TPRX1: variants seen among roughly 807,000 people sequenced by gnomAD.
TPRX1 encodes the protein tetra-peptide repeat homeobox protein 1.
In TPRX1, 2 loss-of-function variants were observed where a neutral mutation model predicts 8.1. That is an observed-to-expected ratio of 0.25 (90% confidence interval 0.10 to 0.78). TPRX1 has a LOEUF of 0.78. TPRX1 is among the 30% of genes least tolerant of loss of function. The pLI, the probability that TPRX1 is intolerant of heterozygous loss-of-function variation, is 0.70. For synonymous variants in TPRX1, 257 were observed against 254.1 expected (o/e 1.01, Z -0.11); for missense variants, 517 against 586.9 (o/e 0.88, Z 1.23).
chr19:47,813,533 C>G (rs764264760), intron 2 of TPRX1, among the ~76,000 whole-genome samples: 2 of 152,136 alleles, frequency 1.3e-5, no homozygotes, highest in Non-Finnish European at 2.9e-5. Context: ...TGGGAAGACA[C>G]TTTCCAGGCG....
chr19:47,818,254 TCCA>T (rs1227700945), intron 2 of TPRX1, among the ~76,000 whole-genome samples: 2 of 136,958 alleles, frequency 1.5e-5, no homozygotes, highest in African/African-American at 6.7e-5. Flanking sequence ...CACCCATCCA[TCCA>T]TCCATCCATC....
chr19:47,809,596 A>T (rs1361620796), intron 2 of TPRX1, among the ~76,000 whole-genome samples: 1 of 152,214 alleles, frequency 6.6e-6, no homozygotes, highest in Non-Finnish European at 1.5e-5. Flanking sequence ...ACAATAAATA[A>T]CAACAAAGAT....
chr19:47,810,489 C>T (rs1317557174), intron 2 of TPRX1, among the ~76,000 whole-genome samples: 2 of 150,340 alleles, frequency 1.3e-5, no homozygotes, highest in African/African-American at 4.9e-5. Flanking sequence ...GCTGGGATTA[C>T]AGGCGCCCAC....
intron 2 of TPRX1, chr19:47,818,410 C>T (rs1967870639): frequency 2.2e-6 from 1 of 451,022 alleles, no homozygotes; most frequent in South Asian, 1.6e-5. Flanking sequence ...ATCCATCCAT[C>T]CATCCCTCCG....
intron 2 of TPRX1, chr19:47,818,347 T>C (rs1967867817): frequency 3.1e-6 from 1 of 319,452 alleles, no homozygotes; most frequent in Non-Finnish European, 6.0e-6. Context: ...CCATCATCCA[T>C]CCATCCATCC....
chr19:47,802,329 G>T, exon 4 of TPRX1: 1 of 1,463,224 alleles, frequency 6.8e-7, no homozygotes, highest in Non-Finnish European at 9.2e-7. Context: ...ATTGGGCCTG[G>T]GATTGGGCCT....
chr19:47,811,241 T>G (rs543865293), intron 2 of TPRX1, among the ~76,000 whole-genome samples: 1 of 151,788 alleles, frequency 6.6e-6, no homozygotes, highest in East Asian at 2.0e-4. Context: ...TGACCTCAGG[T>G]GGTCAGCCCT....
intron 2 of TPRX1, among the ~76,000 whole-genome samples, chr19:47,813,168 C>T (rs1480340849): frequency 7.0e-6 from 1 of 143,636 alleles, no homozygotes; most frequent in Non-Finnish European, 1.6e-5. Context: ...CCCCCCCCAC[C>T]CCGCCAAAAT....
exon 4 of TPRX1, chr19:47,801,962 A>G: frequency 6.2e-7 from 1 of 1,614,058 alleles, no homozygotes; most frequent in Non-Finnish European, 8.5e-7. Flanking sequence ...GAAGTGAGGG[A>G]ATAACTGGGT....
rs1967666789 is a variant in TPRX1, at chr19:47,801,862, GCCCATAGAGTCATC to G, written c.1426_1439del (p.Asp476GlnfsTer17). On this transcript the variant is annotated frameshift_variant, in exon 4 of 4. Coordinates refer to ENST00000535759, the Ensembl canonical transcript of TPRX1. LOFTEE classifies it low-confidence loss of function (END_TRUNC). The stretch of plus-strand genomic sequence containing the variant: ...GGGGCTGAGACCCTGAGTGTTTTTT[GCCCATAGAGTCATC>G]CCCTTCTTGGTACTGAGAGGTCATG... The G allele has an allele frequency of 2.5e-6, 4 of 1,614,066 alleles. No homozygotes were observed. The highest frequency in any genetic ancestry group is 3.4e-6 in the Non-Finnish European group (4 of 1,179,994).
intron 2 of TPRX1, among the ~76,000 whole-genome samples, chr19:47,812,038 G>C (rs554021459): frequency 1.3e-5 from 2 of 151,162 alleles, no homozygotes; most frequent in African/African-American, 4.9e-5. Context: ...GGCTAATTTT[G>C]TATTTTTAGT....
At position 47,818,343 on chromosome 19, in the gene TPRX1, T is replaced by C. The variant is rs1294613248; in HGVS notation, c.151+125A>G. On this transcript the variant is annotated intron_variant, in intron 2 of 3. Transcript: ENST00000535759. ...CATCCATCCATCCATCCATCCATCA[T>C]CCATCCATCCATCCATCCATCCATC... 313 of 258,098 alleles carry C rather than the reference T, an allele frequency of 1.2e-3. 11 individuals are homozygous for C. The highest frequency in any genetic ancestry group is 3.9e-3 in the African/African-American group (72 of 18,690). The allele number at this position is 258,098 out of a possible 1,614,324, so 16.0% of individuals were successfully genotyped here.
At chr19:47,812,750 G>A (rs2123718298) in intron 2 of TPRX1, among the ~76,000 whole-genome samples, 1 of 151,914 alleles carries the variant, frequency 6.6e-6, no homozygotes, top group Non-Finnish European at 1.5e-5. Flanking sequence ...GAGAAACACT[G>A]CACTTCATCC....
exon 4 of TPRX1, chr19:47,801,647 A>G (rs1306450681): frequency 5.4e-6 from 6 of 1,119,414 alleles, no homozygotes; most frequent in Non-Finnish European, 7.5e-6. Flanking sequence ...TGCACAGTGA[A>G]GACAGCAAAT....
intron 1 of TPRX1, chr19:47,818,548 G>A: frequency 2.2e-6 from 1 of 456,034 alleles, no homozygotes; most frequent in Non-Finnish European, 4.4e-6. Context: ...CCTGACAAGG[G>A]CAGACAAGAA....
intron 2 of TPRX1, among the ~76,000 whole-genome samples, chr19:47,817,997 C>T (rs1967859971): frequency 6.6e-6 from 1 of 152,214 alleles, no homozygotes; most frequent in Admixed American, 6.5e-5. Context: ...AGCAGGGATT[C>T]ATGGCACAGT....
At position 47,802,212 on chromosome 19, in the gene TPRX1, C is replaced by A; in HGVS notation, c.1090G>T (p.Gly364Cys). The change falls in exon 4 of 4, where the codon GGC (glycine) becomes TGC (cysteine). Residue 364 changes from glycine to cysteine, a missense_variant. Physicochemically the swap from Gly to Cys is radical, Grantham distance 159. Coordinates refer to ENST00000535759, the Ensembl canonical transcript of TPRX1. ...ATCTGGGCTGGGCTGGGAATCGGGC[C>A]TATAATTGGGCCTGGGCCTGAGATT... is the stretch of plus-strand genomic sequence containing the variant. 1.9e-6 allele frequency: 3 copies of A among 1,611,774 alleles called. No homozygotes were observed. The East Asian group carries it at 6.7e-5, about 36-fold the overall frequency.
chr19:47,802,541 A>C (rs1967686473), exon 4 of TPRX1: 1 of 1,538,426 alleles, frequency 6.5e-7, no homozygotes, highest in Non-Finnish European at 8.8e-7. Context: ...TGGGCCTGAA[A>C]TTGGGCCTGG....
intron 2 of TPRX1, among the ~76,000 whole-genome samples, chr19:47,810,268 A>T (rs1428255420): frequency 6.7e-6 from 1 of 149,992 alleles, no homozygotes; most frequent in Non-Finnish European, 1.5e-5. Context: ...AAAAAAAAAA[A>T]AAAAAAAAAA....
Sources: allele counts gnomAD v4.1 joint callset (sites outside exome capture counted in the v4.1 genomes callset), GRCh38; gene constraint gnomAD v4.1.1; transcripts MANE v1.5; gene names NCBI Gene and HGNC (gene_info 2026-07-23, HGNC 2026-07-21).